The following RGS22 variants were observed in gnomAD, a reference collection of about 807,000 sequenced individuals.
RGS22 encodes regulator of G protein signaling 22.
A neutral mutation model predicts 172.9 loss-of-function variants in RGS22; 148 were observed. The observed-to-expected ratio is 0.86, with a 90% CI of 0.75 to 0.98. The LOEUF (loss-of-function observed/expected upper bound fraction) is 0.98. Ranked by LOEUF, RGS22 falls within the 50% of genes least tolerant of loss-of-function variation. The pLI is 0.00. For missense variants in RGS22, 1,347 were observed against 1,440.8 expected, an observed-to-expected ratio of 0.93 and a Z score of 1.05; for synonymous variants, 458 against 480.2, an observed-to-expected ratio of 0.95 and a Z score of 0.60.
intron 18 of RGS22, among the ~76,000 whole-genome samples, chr8:100,000,679 G>A (rs951603124): frequency 7.2e-5 from 11 of 152,102 alleles, no homozygotes; most frequent in African/African-American, 2.7e-4. Flanking sequence ...GAAACCTCAC[G>A]CAATGTAGCA....
At chr8:99,996,659 G>A (rs1814428077) in intron 19 of RGS22, 129 bp from the exon 20 acceptor site, 1 of 799,966 alleles carries the variant, frequency 1.3e-6, no homozygotes, top group Non-Finnish European at 2.0e-6. Flanking sequence ...TTAGGAGAAA[G>A]AGGATCAAAC....
intron 9 of RGS22, among the ~76,000 whole-genome samples, chr8:100,058,473 T>C (rs924243357): frequency 6.6e-6 from 1 of 151,964 alleles, no homozygotes; most frequent in Non-Finnish European, 1.5e-5. Context: ...ATAAACAATA[T>C]ACAGGGAGCT....
At chr8:100,047,177 G>C (rs1320067204) in intron 11 of RGS22, among the ~76,000 whole-genome samples, 1 of 151,984 alleles carries the variant, frequency 6.6e-6, no homozygotes, top group Non-Finnish European at 1.5e-5. Flanking sequence ...GAGAAATATA[G>C]AATTATTGAA....
chr8:100,025,621 T>C (rs529226883), intron 14 of RGS22, among the ~76,000 whole-genome samples: 1 of 152,280 alleles, frequency 6.6e-6, no homozygotes, highest in South Asian at 2.1e-4. Context: ...AGGACCACCC[T>C]GAAGTATTTA....
chr8:100,016,408 T>C (rs1816958279), intron 14 of RGS22, among the ~76,000 whole-genome samples: 2 of 152,256 alleles, frequency 1.3e-5, no homozygotes, highest in African/African-American at 2.4e-5. Flanking sequence ...GTTTATTGAA[T>C]TATTGTCACC....
At chr8:100,046,857 C>G (rs1018496971) in intron 11 of RGS22, among the ~76,000 whole-genome samples, 4 of 151,686 alleles carry the variant, frequency 2.6e-5, no homozygotes, top group African/African-American at 9.7e-5. Context: ...ACTCTGTCGC[C>G]CAGGCTAGAG....
intron 23 of RGS22, among the ~76,000 whole-genome samples, chr8:99,974,336 G>T (rs972732440): frequency 6.6e-6 from 1 of 152,154 alleles, no homozygotes; most frequent in African/African-American, 2.4e-5. Flanking sequence ...ATAAGCAACA[G>T]TGAGATAGAA....
rs543511642 is a variant in RGS22, at chr8:100,101,621, T to C, written c.54+3753A>G. On this transcript the variant is annotated intron_variant, in intron 2 of 27. Transcript: ENST00000360863. ...AATTTTAATGTGTAAATTTTGTAAT[T>C]CACTCTCACTTTAAACTTTCTCAAT... 9.2e-5 allele frequency among the ~76,000 whole-genome samples: 14 copies of C among 151,802 alleles called. No homozygotes were observed. In the East Asian group the frequency reaches 2.5e-3, roughly 27 times the overall value.
chr8:100,046,426 G>A (rs918061613), intron 11 of RGS22: 2 of 151,514 alleles, frequency 1.3e-5, no homozygotes, highest in African/African-American at 2.4e-5. Context: ...CTTGAAAAAT[G>A]ATGATAATGC....
intron 23 of RGS22, among the ~76,000 whole-genome samples, chr8:99,972,457 AAC>A (rs1463239905): frequency 6.6e-6 from 1 of 152,220 alleles, no homozygotes; most frequent in Non-Finnish European, 1.5e-5. Context: ...CATCAGAGGG[AAC>A]AGGCAACCTA....
intron 16 of RGS22, among the ~76,000 whole-genome samples, chr8:100,005,454 A>C (rs968021980): frequency 5.3e-4 from 81 of 152,144 alleles, no homozygotes; most frequent in African/African-American, 1.8e-3. Context: ...TAGATGCACA[A>C]ATTTAATTTT....
intron 20 of RGS22, among the ~76,000 whole-genome samples, chr8:99,994,970 C>G (rs1259507391): frequency 6.6e-6 from 1 of 152,158 alleles, no homozygotes; most frequent in Non-Finnish European, 1.5e-5. Flanking sequence ...CACACATCTA[C>G]AACCATCTGA....
Position 100,047,609 on chromosome 8 carries a change from A to T in RGS22, c.1690-13T>A. 6.3e-6 allele frequency: 10 copies of T among 1,599,368 alleles called. No individual in the cohort carries two copies. Among genetic ancestry groups the T allele is most frequent in the Non-Finnish European group, 8.5e-6 (10 of 1,175,196 alleles). On this transcript the variant is annotated splice_polypyrimidine_tract_variant and intron_variant, in intron 10 of 27. Coordinates refer to ENST00000360863, the MANE Select transcript of RGS22 (RefSeq NM_015668.5). Reference sequence around the variant, plus strand: ...TGAATTCTTCTTTCTAAAAGATGGTAACATAAGCAAGATGAAAATGAGAGA... The same window carrying T: ...TGAATTCTTCTTTCTAAAAGATGGTTACATAAGCAAGATGAAAATGAGAGA...
chr8:99,975,314 A>G (rs1218157446), intron 23 of RGS22, among the ~76,000 whole-genome samples: 3 of 152,188 alleles, frequency 2.0e-5, no homozygotes, highest in African/African-American at 7.2e-5. Context: ...GTGGTGACAG[A>G]ATTTTAAAAG....
At chr8:100,017,882 G>A (rs562328309) in intron 14 of RGS22, among the ~76,000 whole-genome samples, 1 of 152,258 alleles carries the variant, frequency 6.6e-6, no homozygotes, top group Non-Finnish European at 1.5e-5. Flanking sequence ...TGTAGCTCAT[G>A]TTAGAGAAGA....
intron 7 of RGS22, among the ~76,000 whole-genome samples, chr8:100,065,787 TAAC>T (rs1810492994): frequency 6.6e-6 from 1 of 152,154 alleles, no homozygotes; most frequent in Non-Finnish European, 1.5e-5. Flanking sequence ...TGCAAAGACT[TAAC>T]AAGAATTTAT....
intron 14 of RGS22, among the ~76,000 whole-genome samples, chr8:100,011,465 T>C (rs1816378061): frequency 6.6e-6 from 1 of 152,196 alleles, no homozygotes; most frequent in South Asian, 2.1e-4. Context: ...AAAAATCCTT[T>C]TGTGCAGCAG....
chr8:100,029,719 A>AG (rs1174404046), intron 14 of RGS22, among the ~76,000 whole-genome samples: 9 of 150,802 alleles, frequency 6.0e-5, no homozygotes, highest in Non-Finnish European at 8.9e-5. Flanking sequence ...AAAAAAAAAA[A>AG]AAAAGAAAAA....
chr8:99,992,792 C>T (rs28798718), intron 20 of RGS22, among the ~76,000 whole-genome samples: 34,832 of 152,132 alleles, frequency 0.23, 4,575 homozygotes, highest in African/African-American at 0.36. Context: ...GAACTCTTCA[C>T]TCCAAATCAA....
Sources: gnomAD v4.1 joint callset for allele counts (sites outside exome capture counted in the v4.1 genomes callset) on GRCh38, gnomAD v4.1.1 for gene constraint, MANE v1.5 for transcripts, NCBI Gene and HGNC (gene_info 2026-07-23, HGNC 2026-07-21) for gene names.